DUXB: variants seen among roughly 807,000 people sequenced by gnomAD.
The protein encoded by DUXB is double homeobox B, also known as double homeobox protein B.
Under a neutral mutation model 8.9 loss-of-function variants are expected in DUXB, and 22 were observed. The ratio of observed to expected loss-of-function variants is 2.46; its 90% confidence interval spans 1.76 to 3.52. DUXB has a LOEUF of 3.52. DUXB is among the 30% of genes most tolerant of loss of function. The pLI is 0.00. For missense variants in DUXB, 237 were observed against 108.7 expected (o/e 2.18, Z -5.25); for synonymous variants, 84 against 37.6 (o/e 2.23, Z -4.52).
Position 75,694,159 on chromosome 16 carries a change from C to T in DUXB, c.808G>A (p.Asp270Asn). The T allele has an allele frequency of 2.1e-6, 1 of 470,884 alleles. No individual in the cohort carries two copies. The highest frequency in any genetic ancestry group is 3.7e-6 in the Non-Finnish European group (1 of 271,208). 29.2% of individuals were successfully genotyped at this position (470,884 alleles called of 1,614,324 possible). A position where few individuals can be genotyped will look rare whatever the true frequency, so the allele number is the denominator to read the frequency against. Residue 270 changes from aspartate (D) to asparagine (N), a missense_variant, in exon 5 of 5, where the codon GAT (aspartate) becomes AAT (asparagine). Transcript: ENST00000633875. ...LTLPILTKDLDTPTPFWLQYQ... is the reference protein window; with the variant it reads ...LTLPILTKDLNTPTPFWLQYQ... Reference sequence around the variant, plus strand: ...TGGAGCCAGAAGGGAGTCGGAGTATCTAAGTCCTTTGTCAGAATTGGCAGT... The same window carrying T: ...TGGAGCCAGAAGGGAGTCGGAGTATTTAAGTCCTTTGTCAGAATTGGCAGT...
intron 4 of DUXB, among the ~76,000 whole-genome samples, chr16:75,695,760 G>T (rs1361605117): frequency 6.6e-6 from 1 of 152,216 alleles, no homozygotes; most frequent in East Asian, 1.9e-4. Context: ...TTCTGCTAGT[G>T]ATTCCAAATC....
intron 4 of DUXB, 42 bp downstream of exon 4, chr16:75,695,919 T>C (rs560879834): frequency 5.7e-6 from 4 of 701,888 alleles, no homozygotes; most frequent in South Asian, 3.0e-5. Context: ...GGGGGCAGTA[T>C]CACAGGCAGG....
chr16:75,700,867 T>C (rs552704928), intron 1 of DUXB, among the ~76,000 whole-genome samples: 1 of 152,266 alleles, frequency 6.6e-6, no homozygotes, highest in African/African-American at 2.4e-5. Context: ...CTAAATTGGG[T>C]ATATAAACAT....
At chr16:75,698,330 G>A (rs2151833592) in intron 2 of DUXB, among the ~76,000 whole-genome samples, 1 of 152,270 alleles carries the variant, frequency 6.6e-6, no homozygotes, top group Admixed American at 6.5e-5. Flanking sequence ...GAAGAGACAA[G>A]TAAAATTTCT....
At chr16:75,694,676 T>G (rs1321857201) in intron 4 of DUXB, among the ~76,000 whole-genome samples, 151 bp from the exon 5 acceptor site, 1 of 152,210 alleles carries the variant, frequency 6.6e-6, no homozygotes, top group African/African-American at 2.4e-5. Flanking sequence ...GGGTTCCATC[T>G]GTATACCCTG....
chr16:75,695,439 A>G (rs369034570), intron 4 of DUXB, among the ~76,000 whole-genome samples: 37 of 152,338 alleles, frequency 2.4e-4, no homozygotes, highest in African/African-American at 7.2e-4. Flanking sequence ...GTGCCTCCTC[A>G]GTCATGAGCA....
chr16:75,696,289 C>T lies in DUXB; in HGVS notation c.287-174G>A, dbSNP rs142042823. On this transcript the variant is annotated intron_variant, in intron 3 of 4. Coordinates refer to ENST00000633875, the MANE Select transcript of DUXB (RefSeq NM_001351307.2). Reference sequence around the variant, plus strand: ...GAGCTAGGCTGGGCCCAGTGGCTTACGCCTGTAGTCCCAGCACTTCGGGAG... The same window carrying T: ...GAGCTAGGCTGGGCCCAGTGGCTTATGCCTGTAGTCCCAGCACTTCGGGAG... 2.1e-3 allele frequency among the ~76,000 whole-genome samples: 313 copies of T among 152,368 alleles called. 1 individual carries two copies. The highest frequency in any genetic ancestry group is 7.3e-3 in the African/African-American group (302 of 41,582).
At chr16:75,697,864 A>G (rs2082621052) in intron 2 of DUXB, among the ~76,000 whole-genome samples, 1 of 152,144 alleles carries the variant, frequency 6.6e-6, no homozygotes, top group Admixed American at 6.5e-5. Flanking sequence ...CCTACTGTGA[A>G]CTGTGCAGTT....
At chr16:75,699,836 C>G (rs1025173232) in intron 2 of DUXB, among the ~76,000 whole-genome samples, 179 bp downstream of exon 2, 1 of 152,230 alleles carries the variant, frequency 6.6e-6, no homozygotes, top group African/African-American at 2.4e-5. Flanking sequence ...GCTGGGATTA[C>G]AGGCGTGAGC....
At position 75,694,251 on chromosome 16, in the gene DUXB, G is replaced by C; in HGVS notation, c.716C>G (p.Pro239Arg). The C allele has an allele frequency of 1.7e-6, 1 of 584,554 alleles. No individual in the cohort carries two copies. The highest frequency in any genetic ancestry group is 3.0e-6 in the Non-Finnish European group (1 of 331,892). 36.2% of individuals were successfully genotyped at this position (584,554 alleles called of 1,614,324 possible). The change falls in exon 5 of 5, where the codon CCC becomes CGC. Residue 239 changes from proline (P) to arginine (R), a missense_variant. Physicochemically the swap from Pro to Arg is moderately radical, Grantham distance 103. Transcript: ENST00000633875. The stretch of plus-strand genomic sequence containing the variant: ...CTCTCCTTCCTGCACAGCCTGTGTG[G>C]GCTGCATGATCATGACATTTGGTCC... ...SQGPNVMIMQ[P>R]TQAVQEGEKS...
intron 3 of DUXB, among the ~76,000 whole-genome samples, chr16:75,696,355 C>T (rs2082607283): frequency 6.6e-6 from 1 of 152,118 alleles, no homozygotes; most frequent in African/African-American, 2.4e-5. Flanking sequence ...AGTTCGAGGC[C>T]AGCCTGGCCA....
At chr16:75,695,611 C>A (rs2082599404) in intron 4 of DUXB, among the ~76,000 whole-genome samples, 1 of 152,164 alleles carries the variant, frequency 6.6e-6, no homozygotes, top group Non-Finnish European at 1.5e-5. Context: ...TTACTGGTAT[C>A]TAGATGGTAG....
chr16:75,699,912 TACCTGATATA>T (rs747197780), intron 2 of DUXB, 93 bp downstream of exon 2: 269 of 518,150 alleles, frequency 5.2e-4, no homozygotes, highest in Non-Finnish European at 6.5e-4. Context: ...CTTAGCAAAA[TACCTGATATA>T]ACCTGATATA....
Position 75,695,950 on chromosome 16 carries a change from A to T in DUXB, c.441+11T>A. 1 of 702,972 alleles carries T rather than the reference A, an allele frequency of 1.4e-6. No homozygotes were observed. The allele number at this position is 702,972 out of a possible 1,614,324, so 43.5% of individuals were successfully genotyped here. A position where few individuals can be genotyped will look rare whatever the true frequency, so the allele number is the denominator to read the frequency against. Reference sequence around the variant, plus strand: ...GCAGGACATAGTTGGGATCACACACATAGAACTTACTTGAATTCTTGATTC... The same window carrying T: ...GCAGGACATAGTTGGGATCACACACTTAGAACTTACTTGAATTCTTGATTC... On this transcript the variant is annotated intron_variant, in intron 4 of 4. Coordinates refer to ENST00000633875, the MANE Select transcript of DUXB (RefSeq NM_001351307.2).
At chr16:75,697,632 A>G (rs1313097558) in intron 2 of DUXB, among the ~76,000 whole-genome samples, 5 of 152,240 alleles carry the variant, frequency 3.3e-5, no homozygotes, top group African/African-American at 1.2e-4. Flanking sequence ...TCTTAAGAAC[A>G]TTTAGCATCT....
intron 2 of DUXB, chr16:75,698,954 C>T (rs1959197195): frequency 6.6e-6 from 1 of 152,224 alleles, no homozygotes. Flanking sequence ...AATGATCCTT[C>T]CACCTAAGCC....
rs2082585589 is a variant in DUXB, at chr16:75,694,217, A to C, written c.750T>G (p.Asp250Glu). The part of the protein sequence containing the change: ...TQAVQEGEKS[D>E]QPLIIPNHLL... ...GGTGATTCGGAATTATCAGAGGCTG[A>C]TCAGACTTCTCTCCTTCCTGCACAG... Residue 250 changes from aspartate (D) to glutamate (E), a missense_variant, in exon 5 of 5, where the codon GAT becomes GAG. By Grantham distance (45) the Asp-to-Glu change is conservative. Coordinates refer to ENST00000633875, the MANE Select transcript of DUXB (RefSeq NM_001351307.2). 1.9e-6 allele frequency: 1 copy of C among 524,048 alleles called. No individual in the cohort carries two copies. The highest frequency in any genetic ancestry group is 3.3e-6 in the Non-Finnish European group (1 of 300,550). The allele number at this position is 524,048 out of a possible 1,614,324, so 32.5% of individuals were successfully genotyped here.
At chr16:75,699,083 T>G (rs1254198054) in intron 2 of DUXB, among the ~76,000 whole-genome samples, 1 of 152,198 alleles carries the variant, frequency 6.6e-6, no homozygotes, top group Non-Finnish European at 1.5e-5. Flanking sequence ...TGGCCTCAAG[T>G]GATCTTCCAC....
At chr16:75,697,976 T>G (rs77067538) in intron 2 of DUXB, among the ~76,000 whole-genome samples, 1,857 of 152,150 alleles carry the variant, frequency 0.012, 45 homozygotes, top group African/African-American at 0.042. Flanking sequence ...ACCCACCCCC[T>G]CTTGTCTGTG....
Sources: allele counts gnomAD v4.1 joint callset (sites outside exome capture counted in the v4.1 genomes callset), GRCh38; gene constraint gnomAD v4.1.1; transcripts MANE v1.5; gene names NCBI Gene and HGNC (gene_info 2026-07-23, HGNC 2026-07-21).